The following TCF4 variants were observed in gnomAD, a reference collection of about 807,000 sequenced individuals.
TCF4 encodes the protein SL3-3 enhancer factor 2.
A neutral mutation model predicts 82.1 loss-of-function variants in TCF4; 3 were observed. The ratio of observed to expected loss-of-function variants is 0.04; its 90% CI spans 0.02 to 0.09. The LOEUF (loss-of-function observed/expected upper bound fraction) is 0.09. Ranked by LOEUF, TCF4 falls within the 10% of genes least tolerant of loss-of-function variation. TCF4 has a pLI of 1.00. For missense variants in TCF4, 518 were observed against 852.7 expected, an observed-to-expected ratio of 0.61 and a Z score of 4.89; for synonymous variants, 276 against 309.6, an observed-to-expected ratio of 0.89 and a Z score of 1.14.
intron 8 of TCF4, among the ~76,000 whole-genome samples, chr18:55,289,603 C>T (rs745408373): frequency 3.9e-5 from 6 of 152,098 alleles, no homozygotes; most frequent in Non-Finnish European, 5.9e-5. Context: ...TTTTAGATGA[C>T]GACTACTGCT....
At chr18:55,399,518 C>T (rs1272887440) in intron 6 of TCF4, among the ~76,000 whole-genome samples, 1 of 152,150 alleles carries the variant, frequency 6.6e-6, no homozygotes, top group Admixed American at 6.6e-5. Flanking sequence ...TGGGCTGGGA[C>T]ATTCAGTTGT....
intron 3 of TCF4, among the ~76,000 whole-genome samples, chr18:55,534,989 AAT>A (rs1009325785): frequency 1.3e-5 from 2 of 152,192 alleles, no homozygotes; most frequent in African/African-American, 4.8e-5. Flanking sequence ...GTGCACAGGG[AAT>A]TCTTGTCATC....
chr18:55,411,287 T>A (rs943365829), intron 5 of TCF4, among the ~76,000 whole-genome samples: 1 of 152,326 alleles, frequency 6.6e-6, no homozygotes, highest in Non-Finnish European at 1.5e-5. Context: ...TAACTTACCA[T>A]TGGCTTTATG....
intron 3 of TCF4, among the ~76,000 whole-genome samples, chr18:55,472,691 G>A (rs536779207): frequency 1.2e-4 from 18 of 152,016 alleles, no homozygotes; most frequent in African/African-American, 2.7e-4. Flanking sequence ...TAAACATTGT[G>A]AATTGCGTGA....
At chr18:55,453,465 TA>T (rs1337300541) in intron 5 of TCF4, among the ~76,000 whole-genome samples, 2 of 152,260 alleles carry the variant, frequency 1.3e-5, no homozygotes, top group Admixed American at 1.3e-4. Context: ...TTAAATGATT[TA>T]TCTTCTCTTT....
chr18:55,510,531 T>G, intron 3 of TCF4: 2 of 1,364,732 alleles, frequency 1.5e-6, no homozygotes, highest in Non-Finnish European at 2.0e-6. Flanking sequence ...AGATCAAACA[T>G]TTTAATCAAG....
chr18:55,356,646 G>A (rs1056591531), intron 6 of TCF4, among the ~76,000 whole-genome samples: 7 of 152,134 alleles, frequency 4.6e-5, no homozygotes, highest in African/African-American at 1.7e-4. Flanking sequence ...TCTTGCTACA[G>A]TATTGGTCAC....
intron 2 of TCF4, chr18:55,596,199 C>T (rs1418463671): frequency 1.6e-5 from 6 of 372,418 alleles, no homozygotes; most frequent in African/African-American, 2.2e-5. Context: ...CACTGCACTC[C>T]GGTCTGGATG....
intron 5 of TCF4, among the ~76,000 whole-genome samples, chr18:55,440,184 G>A (rs2095414089): frequency 6.6e-6 from 1 of 152,134 alleles, no homozygotes; most frequent in Non-Finnish European, 1.5e-5. Flanking sequence ...TTCCTTTAAG[G>A]ACAAGTTTCA....
At chr18:55,550,600 G>A (rs964031679) in intron 3 of TCF4, 30 of 152,114 alleles carry the variant, frequency 2.0e-4, no homozygotes, top group African/African-American at 6.0e-4. Context: ...CCACATATAC[G>A]GACTGCGTTA....
chr18:55,425,514 A>AG (rs2094942231), intron 5 of TCF4, among the ~76,000 whole-genome samples: 1 of 90,794 alleles, frequency 1.1e-5, no homozygotes. Context: ...TCTGAAGTCA[A>AG]GGAAAAAAAA....
Position 55,353,668 on chromosome 18 carries a change from G to A in TCF4, c.370-2665C>T, listed in dbSNP as rs185402106. ...CCATTTACTATTGTCTGGCCTTTACGTCAGATACTTAACTCTCTGTAGCAA... is the reference window on the plus strand; with the variant it reads ...CCATTTACTATTGTCTGGCCTTTACATCAGATACTTAACTCTCTGTAGCAA... On this transcript the variant is annotated intron_variant, in intron 6 of 19. Transcript: ENST00000354452. Among the ~76,000 whole-genome samples the A allele has an allele frequency of 4.6e-5, 7 of 152,164 alleles. No homozygotes were observed. In the East Asian group the frequency reaches 9.7e-4, roughly 21 times the overall value.
chr18:55,411,176 C>T (rs2094329951), intron 5 of TCF4, among the ~76,000 whole-genome samples: 1 of 152,120 alleles, frequency 6.6e-6, no homozygotes, highest in Non-Finnish European at 1.5e-5. Context: ...ACTTGAACCA[C>T]CAAAGTAATG....
chr18:55,567,296 T>G (rs748839531), intron 3 of TCF4, among the ~76,000 whole-genome samples: 2 of 152,194 alleles, frequency 1.3e-5, no homozygotes, highest in Non-Finnish European at 2.9e-5. Flanking sequence ...ATAGTAATTC[T>G]TAAAATGAAT....
At chr18:55,588,777 T>G, upstream of TCF4, 1 of 1,085,312 alleles carries the variant, frequency 9.2e-7, no homozygotes, top group Non-Finnish European at 1.2e-6. Flanking sequence ...GGGGGCGAAA[T>G]CTGAATTGCA....
chr18:55,610,671 T>C (rs902292661), intron 2 of TCF4, among the ~76,000 whole-genome samples: 1 of 152,162 alleles, frequency 6.6e-6, no homozygotes, highest in Non-Finnish European at 1.5e-5. Flanking sequence ...CAGGAAGATA[T>C]CCATCAAGAT....
chr18:55,375,942 T>C (rs952574239), intron 6 of TCF4, among the ~76,000 whole-genome samples: 4 of 151,930 alleles, frequency 2.6e-5, no homozygotes, highest in African/African-American at 9.7e-5. Flanking sequence ...AGTCCTTTTA[T>C]ATTTTACTCA....
chr18:55,282,617 C>A (rs555397104), intron 8 of TCF4, among the ~76,000 whole-genome samples: 127 of 152,096 alleles, frequency 8.3e-4, no homozygotes, highest in African/African-American at 3.0e-3. Context: ...GAAAGTTTAA[C>A]AACACAATTG....
At chr18:55,246,048 T>C (rs948779028) in intron 15 of TCF4, among the ~76,000 whole-genome samples, 3 of 152,228 alleles carry the variant, frequency 2.0e-5, no homozygotes, top group Non-Finnish European at 2.9e-5. Context: ...TTTTTTTAAA[T>C]GCACAGTTGT....
Sources: allele counts gnomAD v4.1 joint callset (sites outside exome capture counted in the v4.1 genomes callset), GRCh38; gene constraint gnomAD v4.1.1; transcripts MANE v1.5; gene names NCBI Gene and HGNC (gene_info 2026-07-23, HGNC 2026-07-21).